Variants in VANGL1 observed in about 807,000 individuals in gnomAD.
VANGL1 encodes VANGL planar cell polarity protein 1, also known as vang-like protein 1.
Under a neutral mutation model 48.4 loss-of-function variants are expected in VANGL1, and 18 were observed. The observed-to-expected ratio is 0.37, with a 90% CI of 0.26 to 0.55. The LOEUF is 0.55. Among genes scored for constraint, VANGL1 ranks in the 20% least tolerant of loss-of-function variants. The pLI is 0.81. For missense variants in VANGL1, 667 were observed against 675.8 expected (o/e 0.99, Z 0.14); for synonymous variants, 257 against 261.8 (o/e 0.98, Z 0.18).
intron 2 of VANGL1, among the ~76,000 whole-genome samples, chr1:115,655,531 G>C (rs751395913): frequency 6.6e-6 from 1 of 152,144 alleles, no homozygotes; most frequent in South Asian, 2.1e-4. Context: ...CAGATGTTGC[G>C]TGGAGACAAA....
At chr1:115,648,049 G>C (rs182306262) in intron 1 of VANGL1, among the ~76,000 whole-genome samples, 1 of 152,162 alleles carries the variant, frequency 6.6e-6, no homozygotes, top group African/African-American at 2.4e-5. Context: ...AAGGGATAAC[G>C]TGATGAGGGG....
chr1:115,655,052 C>T (rs941771088), intron 2 of VANGL1, among the ~76,000 whole-genome samples: 10 of 152,134 alleles, frequency 6.6e-5, no homozygotes, highest in Non-Finnish European at 7.4e-5. Flanking sequence ...AAGAGGGCCG[C>T]CGGGGCAGTG....
intron 4 of VANGL1, among the ~76,000 whole-genome samples, chr1:115,681,910 G>A (rs1171370868): frequency 6.6e-6 from 1 of 152,154 alleles, no homozygotes; most frequent in Non-Finnish European, 1.5e-5. Flanking sequence ...CAAGGCCTAG[G>A]GGACAAAACC....
chr1:115,668,825 C>T (rs72701667), intron 4 of VANGL1, among the ~76,000 whole-genome samples: 4,645 of 152,272 alleles, frequency 0.031, 100 homozygotes, highest in Non-Finnish European at 0.048. Context: ...CAGCTCAGGG[C>T]TCCCAGGAGC....
intron 1 of VANGL1, among the ~76,000 whole-genome samples, chr1:115,649,038 A>T (rs1427345284): frequency 6.6e-6 from 1 of 152,142 alleles, no homozygotes; most frequent in African/African-American, 2.4e-5. Flanking sequence ...GAGATCTTCG[A>T]AGCACATCCT....
At chr1:115,690,966 C>T (rs1653806202) in intron 7 of VANGL1, among the ~76,000 whole-genome samples, 153 bp from the exon 8 acceptor site, 1 of 152,200 alleles carries the variant, frequency 6.6e-6, no homozygotes, top group African/African-American at 2.4e-5. Context: ...TTGTGAGGGT[C>T]TGATGGGAAT....
intron 1 of VANGL1, among the ~76,000 whole-genome samples, chr1:115,644,014 C>T (rs949400921): frequency 1.3e-5 from 2 of 151,928 alleles, no homozygotes; most frequent in Non-Finnish European, 1.5e-5. Flanking sequence ...GAGTGCCCCA[C>T]GATGCTTGGA....
chr1:115,663,810 T>C lies in VANGL1; in HGVS notation c.354T>C (p.Phe118=), dbSNP rs1652662918. ...ACCTGGGCCTCACCGTCGCCTCTTT[T>C]CTTGGACTTCTAGTTTTCCTCACCC... is the stretch of plus-strand genomic sequence containing the variant. ...KRYLGLTVAS[F]LGLLVFLTPI... The change falls in exon 4 of 8, where the codon TTT becomes TTC. Residue 118 remains phenylalanine (F), a synonymous_variant. Coordinates refer to ENST00000355485, the MANE Select transcript of VANGL1 (RefSeq NM_138959.3). 12 of 1,614,228 alleles carry C rather than the reference T, an allele frequency of 7.4e-6. No homozygotes were observed. Among genetic ancestry groups the C allele is most frequent in the Middle Eastern group, 1.6e-4 (1 of 6,062 alleles).
rs2101044542 is a variant in VANGL1, at chr1:115,694,136, T to G, written c.*2757T>G. The G allele has an allele frequency of 6.6e-6, 1 of 152,350 alleles. No homozygotes were observed. Among genetic ancestry groups the G allele is most frequent in the Admixed American group, 6.5e-5 (1 of 15,306 alleles). 9.4% of individuals were successfully genotyped at this position (152,350 alleles called of 1,614,324 possible). On this transcript the variant is annotated 3_prime_UTR_variant, in exon 8 of 8. Transcript: ENST00000355485. ...GAATGTTAAAAAGTTCTGTATGCAT[T>G]CTCAGAGAGGATTTTAAAGCTATAT...
At chr1:115,675,825 T>G (rs1570762395) in intron 4 of VANGL1, among the ~76,000 whole-genome samples, 1 of 152,108 alleles carries the variant, frequency 6.6e-6, no homozygotes. Context: ...ACAATTGGTA[T>G]ATGGATTGGG....
intron 7 of VANGL1, 91 bp from the exon 8 acceptor site, chr1:115,691,028 C>G (rs947826410): frequency 6.3e-7 from 1 of 1,582,418 alleles, no homozygotes; most frequent in African/African-American, 1.3e-5. Flanking sequence ...GGAAAAAGTT[C>G]TTTATAGATG....
In VANGL1 at chr1:115,682,379, A is replaced by G. The variant is rs1317303187; in HGVS notation, c.828A>G (p.Ala276=). 4 of 1,614,076 alleles carry G rather than the reference A, an allele frequency of 2.5e-6. No homozygotes were observed. Among genetic ancestry groups the G allele is most frequent in the East Asian group, 2.2e-5 (1 of 44,894 alleles). Residue 276 remains alanine (A), a synonymous_variant, in exon 5 of 8, where the codon GCA becomes GCG. Transcript: ENST00000355485. ...TTTTTCTCAGTATCCAGCGAGCAGC[A>G]TTGGTGGTCCTAGAAAATTACTACA... ...SLGHLSIQRA[A]LVVLENYYKD...
At chr1:115,656,944 G>C (rs1652375618) in intron 2 of VANGL1, among the ~76,000 whole-genome samples, 1 of 152,246 alleles carries the variant, frequency 6.6e-6, no homozygotes. Context: ...GTGGCCGAGA[G>C]AGTGATAAAT....
chr1:115,676,067 A>T (rs1419045201), intron 4 of VANGL1, among the ~76,000 whole-genome samples: 1 of 152,208 alleles, frequency 6.6e-6, no homozygotes, highest in Non-Finnish European at 1.5e-5. Flanking sequence ...TGTACAATGC[A>T]TTATAGTTTA....
intron 7 of VANGL1, 120 bp from the exon 8 acceptor site, chr1:115,690,999 G>T: frequency 1.5e-6 from 2 of 1,370,038 alleles, no homozygotes; most frequent in Non-Finnish European, 1.0e-6. Flanking sequence ...GCTGGGCTCT[G>T]GTCTAAGCTG....
chr1:115,646,081 A>G (rs1203039077), intron 1 of VANGL1, among the ~76,000 whole-genome samples: 1 of 152,178 alleles, frequency 6.6e-6, no homozygotes, highest in Non-Finnish European at 1.5e-5. Flanking sequence ...TTTCATATTA[A>G]GTAGTAGGAT....
At chr1:115,677,830 T>G (rs4571967) in intron 4 of VANGL1, among the ~76,000 whole-genome samples, 41,394 of 152,026 alleles carry the variant, frequency 0.27, 6,014 homozygotes, top group East Asian at 0.53. Context: ...CTCTCTGAAT[T>G]TAATGGTGAT....
At position 115,663,768 on chromosome 1, in the gene VANGL1, G is replaced by A; in HGVS notation, c.312G>A (p.Gly104=). The A allele has an allele frequency of 6.2e-7, 1 of 1,614,216 alleles. No homozygotes were observed. The highest frequency in any genetic ancestry group is 1.1e-5 in the South Asian group (1 of 91,086). ...RISKDMEDSV[G]LDCKRYLGLT... ...GCAAGGACATGGAGGACAGCGTGGG[G>A]CTGGATTGCAAACGCTACCTGGGCC... Residue 104 remains glycine (G), a synonymous_variant, in exon 4 of 8, where the codon GGG becomes GGA. Transcript: ENST00000355485.
intron 2 of VANGL1, among the ~76,000 whole-genome samples, chr1:115,659,025 C>G (rs1652449060): frequency 6.6e-6 from 1 of 152,040 alleles, no homozygotes. Flanking sequence ...TTTTTCCTAG[C>G]TTGTTTGTTT....
Sources: allele counts gnomAD v4.1 joint callset (sites outside exome capture counted in the v4.1 genomes callset), GRCh38; gene constraint gnomAD v4.1.1; transcripts MANE v1.5; gene names NCBI Gene and HGNC (gene_info 2026-07-23, HGNC 2026-07-21).